Variants in CD180 observed in about 807,000 individuals in gnomAD.
CD180 encodes the protein CD180 antigen.
A neutral mutation model predicts 10.7 loss-of-function variants in CD180; 11 were observed. That is an observed-to-expected ratio of 1.03 (90% CI 0.65 to 1.70). The LOEUF (loss-of-function observed/expected upper bound fraction) is 1.70. Among genes scored for constraint, CD180 ranks in the 40% most tolerant of loss-of-function variants. CD180 has a pLI of 0.00. For missense variants in CD180, 729 were observed against 775.2 expected, an observed-to-expected ratio of 0.94 and a Z score of 0.71; for synonymous variants, 286 against 294.6, an observed-to-expected ratio of 0.97 and a Z score of 0.30.
chr5:67,185,803 T>C, intron 2 of CD180, 48 bp downstream of exon 2: 1 of 1,424,388 alleles, frequency 7.0e-7, no homozygotes, highest in South Asian at 1.5e-5. Flanking sequence ...CATACTGTAT[T>C]TTAACTTAAA....
chr5:67,196,658 T>C lies in CD180; in HGVS notation c.-17A>G, dbSNP rs1398072481. ...AAACGCCATCACAGGCTAGGATTGC[T>C]TGGTGGGTTTACCTAATGCTTGGAG... On this transcript the variant is annotated 5_prime_UTR_variant, in exon 1 of 3. Coordinates refer to ENST00000256447, the MANE Select transcript of CD180 (RefSeq NM_005582.3). The C allele has an allele frequency of 1.2e-6, 2 of 1,613,780 alleles. No homozygotes were observed. Among genetic ancestry groups the C allele is most frequent in the African/African-American group, 1.3e-5 (1 of 74,872 alleles).
chr5:67,194,117 C>T (rs1422859739), intron 1 of CD180, among the ~76,000 whole-genome samples: 1 of 152,146 alleles, frequency 6.6e-6, no homozygotes, highest in Non-Finnish European at 1.5e-5. Flanking sequence ...CTTGGTCATT[C>T]CTGGGTGTAG....
In CD180 at chr5:67,182,985, C is replaced by CA. The variant is rs1742085306; in HGVS notation, c.1857dup (p.Asp620Ter). On this transcript the variant is annotated frameshift_variant, in exon 3 of 3. Coordinates refer to ENST00000256447, the MANE Select transcript of CD180 (RefSeq NM_005582.3). LOFTEE classifies it low-confidence loss of function (END_TRUNC). ...GTAATCCCACAGGAAAGCTTGACAT[C>CA]AGATAGCTTAACTCCCCTTAGAGAT... is the stretch of plus-strand genomic sequence containing the variant. 6.8e-6 allele frequency: 11 copies of CA among 1,614,108 alleles called. No individual in the cohort carries two copies. The highest frequency in any genetic ancestry group is 1.3e-5 in the African/African-American group (1 of 74,942).
intron 1 of CD180, among the ~76,000 whole-genome samples, chr5:67,194,657 C>T (rs1742367787): frequency 6.6e-6 from 1 of 152,216 alleles, no homozygotes; most frequent in Non-Finnish European, 1.5e-5. Context: ...ACTTTCTTTA[C>T]TGCAATGCCG....
chr5:67,183,808 G>C lies in CD180; in HGVS notation c.1035C>G (p.Pro345=), dbSNP rs759796721. ...CTCTGATGTAGAGGTGTGTAAGGGA[G>C]GGGAAATTGGCAGCACTGATTTGAC... ...QLCQISAANF[P]SLTHLYIRGN... The change falls in exon 3 of 3, where the codon CCC becomes CCG. Residue 345 remains proline, a synonymous_variant. Coordinates refer to ENST00000256447, the MANE Select transcript of CD180 (RefSeq NM_005582.3). The C allele has an allele frequency of 1.2e-6, 2 of 1,614,054 alleles. No homozygotes were observed. Among genetic ancestry groups the C allele is most frequent in the Non-Finnish European group, 1.7e-6 (2 of 1,180,028 alleles).
intron 2 of CD180, among the ~76,000 whole-genome samples, chr5:67,184,946 A>G (rs1389347261): frequency 6.6e-6 from 1 of 152,262 alleles, no homozygotes; most frequent in South Asian, 2.1e-4. Flanking sequence ...GGTATAAAAT[A>G]CATATATATA....
At chr5:67,185,810 T>A in intron 2 of CD180, 41 bp downstream of exon 2, 1 of 1,450,122 alleles carries the variant, frequency 6.9e-7, no homozygotes, top group Admixed American at 2.3e-5. Flanking sequence ...TATTTTAACT[T>A]AAATAAAATA....
chr5:67,183,392 C>T lies in CD180; in HGVS notation c.1451G>A (p.Gly484Glu). 2.5e-6 allele frequency: 4 copies of T among 1,614,134 alleles called. No homozygotes were observed. Among genetic ancestry groups the T allele is most frequent in the Non-Finnish European group, 2.5e-6 (3 of 1,180,028 alleles). The change falls in exon 3 of 3, where the codon GGG becomes GAG. Residue 484 changes from glycine (G) to glutamate (E), a missense_variant. Gly to Glu is a moderately conservative substitution (Grantham distance 98). Coordinates refer to ENST00000256447, the MANE Select transcript of CD180 (RefSeq NM_005582.3). ...LNLKGNHFQD[G>E]TITKTNLLQT... ...AAGTAGGTTGGTCTTCGTGATAGTC[C>T]CATCTTGAAAGTGATTCCCTTTTAA...
intron 1 of CD180, among the ~76,000 whole-genome samples, chr5:67,189,965 C>A (rs996443451): frequency 1.3e-5 from 2 of 152,100 alleles, no homozygotes; most frequent in Admixed American, 1.3e-4. Flanking sequence ...TGTCTATATC[C>A]AAATTTTGCC....
At chr5:67,185,047 C>T (rs1389421394) in intron 2 of CD180, among the ~76,000 whole-genome samples, 2 of 150,608 alleles carry the variant, frequency 1.3e-5, no homozygotes, top group African/African-American at 2.5e-5. Context: ...TGGTATTGCA[C>T]CTAAAAATAC....
Position 67,184,347 on chromosome 5 carries a change from A to G in CD180, c.496T>C (p.Phe166Leu), listed in dbSNP as rs1742136660. Residue 166 changes from phenylalanine to leucine, a missense_variant, in exon 3 of 3, where the codon TTC becomes CTC. Physicochemically the swap from Phe to Leu is conservative, Grantham distance 22. Coordinates refer to ENST00000256447, the MANE Select transcript of CD180 (RefSeq NM_005582.3). Reference protein sequence around the residue: ...LGSNHISSIKFPKDFPARNLK... With the variant: ...LGSNHISSIKLPKDFPARNLK... The stretch of plus-strand genomic sequence containing the variant: ...TTCCGTGCTGGGAAGTCTTTGGGGA[A>G]CTTAATGGAGGAAATATGGTTGCTT... The G allele has an allele frequency of 6.2e-7, 1 of 1,614,204 alleles. No individual in the cohort carries two copies. The highest frequency in any genetic ancestry group is 8.5e-7 in the Non-Finnish European group (1 of 1,180,026).
chr5:67,184,764 GC>G (rs1227020144), intron 2 of CD180, among the ~76,000 whole-genome samples, 179 bp from the exon 3 acceptor site: 1 of 151,982 alleles, frequency 6.6e-6, no homozygotes, highest in Non-Finnish European at 1.5e-5. Flanking sequence ...TTCTGAACAC[GC>G]CAATCTAGAT....
chr5:67,194,160 A>G (rs1291780202), intron 1 of CD180, among the ~76,000 whole-genome samples: 1 of 152,214 alleles, frequency 6.6e-6, no homozygotes, highest in African/African-American at 2.4e-5. Flanking sequence ...TTTAGTTTAT[A>G]CTTTAACCTT....
At chr5:67,190,671 G>A (rs996012810) in intron 1 of CD180, among the ~76,000 whole-genome samples, 1 of 152,196 alleles carries the variant, frequency 6.6e-6, no homozygotes, top group Admixed American at 6.5e-5. Flanking sequence ...AGGGGCATTC[G>A]CTTGGGACTC....
intron 1 of CD180, among the ~76,000 whole-genome samples, chr5:67,194,130 C>A (rs1447552437): frequency 6.6e-6 from 1 of 152,162 alleles, no homozygotes; most frequent in African/African-American, 2.4e-5. Flanking sequence ...GGGTGTAGAC[C>A]AAGCTGAATT....
chr5:67,192,634 A>T (rs1742331790), intron 1 of CD180, among the ~76,000 whole-genome samples: 1 of 152,020 alleles, frequency 6.6e-6, no homozygotes, highest in South Asian at 2.1e-4. Flanking sequence ...CAATGACCAG[A>T]TCTCAGGCTC....
At chr5:67,190,986 G>A (rs1452396880) in intron 1 of CD180, 1 of 985,216 alleles carries the variant, frequency 1.0e-6, no homozygotes, top group Non-Finnish European at 1.2e-6. Context: ...ACCTCCCCAT[G>A]CATCAGAAGT....
Position 67,186,848 on chromosome 5 carries a change from C to CTGTGTGTGTGTGTGTGTG in CD180, c.91-849_91-832dup, listed in dbSNP as rs56004314. Among the ~76,000 whole-genome samples, 136 of 146,804 alleles carry CTGTGTGTGTGTGTGTGTG rather than the reference C, an allele frequency of 9.3e-4. 1 individual carries two copies. Among genetic ancestry groups the CTGTGTGTGTGTGTGTGTG allele is most frequent in the African/African-American group, 3.3e-3 (132 of 39,444 alleles). On this transcript the variant is annotated intron_variant, in intron 1 of 2. Coordinates refer to ENST00000256447, the MANE Select transcript of CD180 (RefSeq NM_005582.3). ...TATGGAACAACTGACTTTGTTCTAT[C>CTGTGTGTGTGTGTGTGTG]TGTGTGTGTGTGTGTGTGTGTGTGT...
rs893098330 is a variant in CD180 at position 67,191,045 on chromosome 5, A to G, written c.91-5028T>C. ...TCCTCATTAAGCATGCCTCCATCCA[A>G]GATAGAGCAAGTCGACTGAGCCAAA... On this transcript the variant is annotated intron_variant, in intron 1 of 2. Transcript: ENST00000256447. The G allele has an allele frequency of 3.0e-6, 3 of 985,236 alleles. No homozygotes were observed. In the African/African-American group the frequency reaches 5.2e-5, roughly 17 times the overall value. The allele number at this position is 985,236 out of a possible 1,614,324, so 61.0% of individuals were successfully genotyped here.
Sources: gnomAD v4.1 joint callset for allele counts (sites outside exome capture counted in the v4.1 genomes callset) on GRCh38, gnomAD v4.1.1 for gene constraint, MANE v1.5 for transcripts, NCBI Gene and HGNC (gene_info 2026-07-23, HGNC 2026-07-21) for gene names.